LPAR1: variants seen among roughly 807,000 people sequenced by gnomAD.
LPAR1 encodes the protein lysophosphatidic acid receptor 1, also known as LPA receptor 1.
A neutral mutation model predicts 23.8 loss-of-function variants in LPAR1; 5 were observed. The ratio of observed to expected loss-of-function variants is 0.21; its 90% CI spans 0.11 to 0.44. LPAR1 has a LOEUF of 0.44. LPAR1 is among the 20% of genes least tolerant of loss of function. The pLI, the probability that LPAR1 is intolerant of heterozygous loss-of-function variation, is 0.99. For missense variants in LPAR1, 311 were observed against 482.8 expected (o/e 0.64, Z 3.33); for synonymous variants, 160 against 164.7 (o/e 0.97, Z 0.22).
chr9:111,006,536 G>A (rs555738613), intron 2 of LPAR1, among the ~76,000 whole-genome samples: 77 of 152,128 alleles, frequency 5.1e-4, no homozygotes, highest in African/African-American at 1.9e-3. Context: ...CCATGCCATG[G>A]TAATTACATA....
chr9:110,938,151 A>G (rs189869087), intron 5 of LPAR1, among the ~76,000 whole-genome samples: 12 of 152,360 alleles, frequency 7.9e-5, no homozygotes, highest in Admixed American at 7.2e-4. Flanking sequence ...GGAGAAAACA[A>G]ACAATCATTA....
At chr9:110,942,712 G>GT (rs995045097) in intron 4 of LPAR1, among the ~76,000 whole-genome samples, 2 of 152,144 alleles carry the variant, frequency 1.3e-5, no homozygotes, top group African/African-American at 4.8e-5. Context: ...TGCATCAAAG[G>GT]TTTTTTGCCC....
intron 4 of LPAR1, among the ~76,000 whole-genome samples, chr9:110,956,442 T>G (rs1023838542): frequency 2.6e-5 from 4 of 151,226 alleles, no homozygotes; most frequent in African/African-American, 9.7e-5. Flanking sequence ...ATTTAAAAAA[T>G]AAAGAAAGAA....
At chr9:110,877,372 T>C (rs2079396983) in intron 5 of LPAR1, among the ~76,000 whole-genome samples, 3 of 152,180 alleles carry the variant, frequency 2.0e-5, no homozygotes, top group African/African-American at 4.8e-5. Context: ...TACAACACCT[T>C]AGACTTTCCT....
chr9:110,967,914 T>C (rs1564194798), intron 4 of LPAR1, among the ~76,000 whole-genome samples: 1 of 152,168 alleles, frequency 6.6e-6, no homozygotes, highest in Non-Finnish European at 1.5e-5. Flanking sequence ...GCTATCTATC[T>C]CTATGACCTA....
intron 5 of LPAR1, among the ~76,000 whole-genome samples, chr9:110,902,007 GA>G (rs940038023): frequency 6.6e-6 from 1 of 151,420 alleles, no homozygotes; most frequent in Non-Finnish European, 1.5e-5. Flanking sequence ...ATAAACCCTA[GA>G]AAAAAAACAC....
At chr9:110,970,995 C>T (rs140173733) in intron 4 of LPAR1, among the ~76,000 whole-genome samples, 1,756 of 152,088 alleles carry the variant, frequency 0.012, 33 homozygotes, top group African/African-American at 0.038. Flanking sequence ...ATTAGCTGGG[C>T]GTGGTGGCGG....
At chr9:110,896,598 A>G (rs1422394981) in intron 5 of LPAR1, among the ~76,000 whole-genome samples, 1 of 152,116 alleles carries the variant, frequency 6.6e-6, no homozygotes, top group East Asian at 1.9e-4. Flanking sequence ...TAGGCAAGAA[A>G]AACAAAGGAA....
chr9:110,878,142 G>C (rs775601228), intron 5 of LPAR1, among the ~76,000 whole-genome samples: 6 of 151,996 alleles, frequency 3.9e-5, no homozygotes, highest in Non-Finnish European at 8.8e-5. Context: ...TTTGTACTAG[G>C]ATTAAGCCCA....
At chr9:111,036,412 C>G (rs1588976719) in intron 1 of LPAR1, among the ~76,000 whole-genome samples, 1 of 151,990 alleles carries the variant, frequency 6.6e-6, no homozygotes, top group African/African-American at 2.4e-5. Context: ...GAGCTCCCAG[C>G]TCAAGAATTT....
At chr9:111,005,336 G>T (rs2140318808) in intron 2 of LPAR1, among the ~76,000 whole-genome samples, 1 of 151,378 alleles carries the variant, frequency 6.6e-6, no homozygotes, top group Non-Finnish European at 1.5e-5. Context: ...CACTGTAGGA[G>T]GCCCAGGTAG....
chr9:110,890,822 T>A (rs2083911006), intron 5 of LPAR1, among the ~76,000 whole-genome samples: 1 of 152,206 alleles, frequency 6.6e-6, no homozygotes, highest in African/African-American at 2.4e-5. Context: ...AGAAAAAATA[T>A]TAGCACCAAT....
intron 2 of LPAR1, among the ~76,000 whole-genome samples, chr9:111,019,963 T>C (rs1399306481): frequency 2.0e-5 from 3 of 152,228 alleles, no homozygotes; most frequent in Admixed American, 1.3e-4. Context: ...AGGGCTCTCC[T>C]TTTGGCTTGC....
At position 110,874,634 on chromosome 9, in the gene LPAR1, G is replaced by C. The variant is rs2078732279; in HGVS notation, c.*787C>G. The C allele has an allele frequency of 6.6e-6, 1 of 152,542 alleles. No homozygotes were observed. Among genetic ancestry groups the C allele is most frequent in the Non-Finnish European group, 1.5e-5 (1 of 67,998 alleles). The allele number at this position is 152,542 out of a possible 1,614,324, so 9.4% of individuals were successfully genotyped here. On this transcript the variant is annotated 3_prime_UTR_variant, in exon 6 of 6. Coordinates refer to ENST00000683809, the MANE Select transcript of LPAR1 (RefSeq NM_001351411.2). ...AAATATATGGGAACAATATTATAGT[G>C]CTTCATCTTCTATGACTTTTTTGGA...
At chr9:110,948,522 TAAGTTAATAA>T (rs1412907179) in intron 4 of LPAR1, among the ~76,000 whole-genome samples, 1 of 152,204 alleles carries the variant, frequency 6.6e-6, no homozygotes, top group Non-Finnish European at 1.5e-5. Flanking sequence ...ACATAAATTG[TAAGTTAATAA>T]AAGTACTTTT....
chr9:110,974,826 C>T (rs1279225738), intron 2 of LPAR1, among the ~76,000 whole-genome samples: 2 of 152,096 alleles, frequency 1.3e-5, no homozygotes, highest in Non-Finnish European at 2.9e-5. Flanking sequence ...AAGATGACTG[C>T]TAGAGTGCCA....
intron 2 of LPAR1, among the ~76,000 whole-genome samples, chr9:111,001,887 TC>T (rs1487209645): frequency 2.0e-5 from 3 of 152,154 alleles, no homozygotes; most frequent in African/African-American, 7.2e-5. Context: ...CAATTAGAAT[TC>T]TATTTTTAAA....
intron 2 of LPAR1, among the ~76,000 whole-genome samples, chr9:110,984,444 A>AT (rs1243707304): frequency 6.6e-6 from 1 of 152,100 alleles, no homozygotes; most frequent in Non-Finnish European, 1.5e-5. Context: ...TCCATTGTGT[A>AT]TAAGTACCAC....
intron 2 of LPAR1, among the ~76,000 whole-genome samples, chr9:111,029,717 T>C (rs2097762514): frequency 6.6e-6 from 1 of 152,074 alleles, no homozygotes; most frequent in African/African-American, 2.4e-5. Context: ...CATGAGCTAC[T>C]CAAGAGCGGG....
Sources: allele counts gnomAD v4.1 joint callset (sites outside exome capture counted in the v4.1 genomes callset), GRCh38; gene constraint gnomAD v4.1.1; transcripts MANE v1.5; gene names NCBI Gene and HGNC (gene_info 2026-07-23, HGNC 2026-07-21).